BNC2: variants seen among roughly 807,000 people sequenced by gnomAD.
BNC2 encodes zinc finger protein basonuclin-2.
BNC2 carries 20 observed loss-of-function variants against 76.3 expected under a neutral mutation model. The ratio of observed to expected loss-of-function variants is 0.26; its 90% CI spans 0.18 to 0.38. The LOEUF is 0.38. Ranked by LOEUF, BNC2 falls within the 10% of genes least tolerant of loss-of-function variation. BNC2 has a pLI of 1.00. For missense variants in BNC2, 1,382 were observed against 1,399.8 expected, an observed-to-expected ratio of 0.99 and a Z score of 0.20; for synonymous variants, 582 against 514.8, an observed-to-expected ratio of 1.13 and a Z score of -1.77.
chr9:16,539,518 A>C (rs1285062175), intron 5 of BNC2, among the ~76,000 whole-genome samples: 1 of 143,188 alleles, frequency 7.0e-6, no homozygotes. Flanking sequence ...ACAGAGGGAG[A>C]GAGGGATGGA....
intron 3 of BNC2, among the ~76,000 whole-genome samples, chr9:16,629,462 G>T (rs1265547889): frequency 2.0e-5 from 3 of 152,130 alleles, no homozygotes; most frequent in Non-Finnish European, 4.4e-5. Context: ...TGTGTTTGGG[G>T]GAGTTCAGTG....
At chr9:16,824,789 C>G (rs1818414075) in intron 1 of BNC2, among the ~76,000 whole-genome samples, 1 of 152,168 alleles carries the variant, frequency 6.6e-6, no homozygotes, top group African/African-American at 2.4e-5. Flanking sequence ...TGTCTATAAA[C>G]AGCAGAGGCA....
At chr9:16,601,274 C>T (rs1019823484) in intron 3 of BNC2, among the ~76,000 whole-genome samples, 1 of 152,168 alleles carries the variant, frequency 6.6e-6, no homozygotes, top group Non-Finnish European at 1.5e-5. Flanking sequence ...ACTTGCACAA[C>T]CCGAGAAGAA....
chr9:16,729,797 G>C (rs1455103203), intron 2 of BNC2, among the ~76,000 whole-genome samples: 1 of 152,074 alleles, frequency 6.6e-6, no homozygotes, highest in African/African-American at 2.4e-5. Flanking sequence ...CTAGCCTCTT[G>C]ATTTCTGAAG....
At chr9:16,637,306 A>G (rs1821357248) in intron 3 of BNC2, among the ~76,000 whole-genome samples, 1 of 152,206 alleles carries the variant, frequency 6.6e-6, no homozygotes, top group Non-Finnish European at 1.5e-5. Flanking sequence ...CTGTTCATGT[A>G]TTCAGAACTA....
intron 1 of BNC2, among the ~76,000 whole-genome samples, chr9:16,771,931 G>T (rs553001336): frequency 1.1e-4 from 16 of 152,252 alleles, no homozygotes; most frequent in South Asian, 2.1e-4. Context: ...AGTTCATGGT[G>T]GGGGGAGGAT....
chr9:16,681,710 T>C (rs1822826660), intron 3 of BNC2, among the ~76,000 whole-genome samples: 1 of 152,192 alleles, frequency 6.6e-6, no homozygotes, highest in Non-Finnish European at 1.5e-5. Context: ...GTCAAAAACA[T>C]GCAGTCACTT....
At chr9:16,737,025 C>G (rs1824692260) in intron 2 of BNC2, among the ~76,000 whole-genome samples, 1 of 151,876 alleles carries the variant, frequency 6.6e-6, no homozygotes, top group South Asian at 2.1e-4. Context: ...AGACTGGTCT[C>G]GAACTCCCAA....
chr9:16,609,114 C>G (rs762161366), intron 3 of BNC2, among the ~76,000 whole-genome samples: 8 of 152,122 alleles, frequency 5.3e-5, no homozygotes, highest in African/African-American at 1.9e-4. Flanking sequence ...ACTCTGATCA[C>G]TGATTGCCTA....
chr9:16,502,934 A>T (rs1367745803), intron 5 of BNC2, among the ~76,000 whole-genome samples: 1 of 152,114 alleles, frequency 6.6e-6, no homozygotes, highest in African/African-American at 2.4e-5. Flanking sequence ...AGCTACAACA[A>T]GCGTATTCTA....
At chr9:16,763,128 G>C (rs1320392015) in intron 1 of BNC2, among the ~76,000 whole-genome samples, 1 of 152,148 alleles carries the variant, frequency 6.6e-6, no homozygotes, top group Non-Finnish European at 1.5e-5. Context: ...AGAGGTTATG[G>C]TGATAAGGGC....
At chr9:16,629,486 G>A in intron 3 of BNC2, among the ~76,000 whole-genome samples, 1 of 152,118 alleles carries the variant, frequency 6.6e-6, no homozygotes, top group Non-Finnish European at 1.5e-5. Flanking sequence ...GGCTGATCAA[G>A]GGCAAGTACT....
chr9:16,507,048 C>T (rs1316672810), intron 5 of BNC2, among the ~76,000 whole-genome samples: 1 of 152,108 alleles, frequency 6.6e-6, no homozygotes, highest in South Asian at 2.1e-4. Flanking sequence ...GCCACCAAGC[C>T]CAGCCTACAC....
intron 5 of BNC2, among the ~76,000 whole-genome samples, chr9:16,546,120 T>C (rs571505549): frequency 6.6e-6 from 1 of 152,370 alleles, no homozygotes; most frequent in South Asian, 2.1e-4. Context: ...TCTGTTATAA[T>C]TACTCAGAGT....
intron 5 of BNC2, among the ~76,000 whole-genome samples, chr9:16,507,294 G>C (rs1320590169): frequency 1.8e-5 from 2 of 109,540 alleles, no homozygotes; most frequent in East Asian, 5.8e-4. Flanking sequence ...GTCTCGTTCT[G>C]TCGCCCATAC....
chr9:16,451,096 TTACC>T (rs1180783627), intron 5 of BNC2, among the ~76,000 whole-genome samples: 8 of 152,308 alleles, frequency 5.3e-5, no homozygotes, highest in African/African-American at 1.7e-4. Flanking sequence ...CGTTGCCTTT[TTACC>T]TTTTGCTAAT....
At chr9:16,652,888 A>G (rs1331744886) in intron 3 of BNC2, among the ~76,000 whole-genome samples, 1 of 152,162 alleles carries the variant, frequency 6.6e-6, no homozygotes, top group Admixed American at 6.5e-5. Flanking sequence ...CATTTCTGGC[A>G]AACCGAAGTC....
At chr9:16,660,917 G>T (rs1822093279) in intron 3 of BNC2, among the ~76,000 whole-genome samples, 1 of 152,132 alleles carries the variant, frequency 6.6e-6, no homozygotes, top group South Asian at 2.1e-4. Flanking sequence ...GCATAGTAAT[G>T]CCATTTATAA....
At chr9:16,506,383 G>A (rs760835680) in intron 5 of BNC2, among the ~76,000 whole-genome samples, 17 of 151,992 alleles carry the variant, frequency 1.1e-4, no homozygotes, top group Admixed American at 2.0e-4. Context: ...TTAATCCCAC[G>A]CTTAAGTGAA....
Sources: allele counts gnomAD v4.1 joint callset (sites outside exome capture counted in the v4.1 genomes callset), GRCh38; gene constraint gnomAD v4.1.1; transcripts MANE v1.5; gene names NCBI Gene and HGNC (gene_info 2026-07-23, HGNC 2026-07-21).